AQP7B: variants seen among roughly 807,000 people sequenced by gnomAD.
AQP7B encodes aquaporin 7B.
chr2:94,590,310 C>A, the AQP7B span, among the ~76,000 whole-genome samples: 1 of 152,152 alleles, frequency 6.6e-6, no homozygotes, highest in Admixed American at 6.5e-5. Context: ...AGCCCCCACC[C>A]CAGCTGGGAT....
the AQP7B span, among the ~76,000 whole-genome samples, chr2:94,597,594 A>C: frequency 1.3e-5 from 2 of 151,870 alleles, no homozygotes; most frequent in Non-Finnish European, 2.9e-5. Context: ...AGTGCAGTCT[A>C]ATATCACAGT....
the AQP7B span, among the ~76,000 whole-genome samples, chr2:94,592,557 C>A: frequency 6.6e-6 from 1 of 151,970 alleles, no homozygotes. Flanking sequence ...GAGACCCTAC[C>A]AATGCAAGCA....
chr2:94,602,501 C>T, the AQP7B span: 3 of 1,605,164 alleles, frequency 1.9e-6, no homozygotes, highest in African/African-American at 1.3e-5. Flanking sequence ...GGTATTCGGC[C>T]TTGGTTCTGT....
At chr2:94,602,577 G>C in the AQP7B span, 1 of 1,599,696 alleles carries the variant, frequency 6.3e-7, no homozygotes, top group Non-Finnish European at 8.5e-7. Context: ...TTTGGCTTCG[G>C]GGTCACCATG....
chr2:94,603,756 G>A, the AQP7B span: 21 of 1,521,854 alleles, frequency 1.4e-5, no homozygotes, highest in Middle Eastern at 2.4e-4. Flanking sequence ...TCACCATCAC[G>A]GACCAGGAGA....
the AQP7B span, among the ~76,000 whole-genome samples, chr2:94,595,776 G>A: frequency 0.015 from 2,227 of 152,246 alleles, 30 homozygotes; most frequent in Non-Finnish European, 0.022. Context: ...GCAAAGCGCC[G>A]ATGAGCTGTT....
At chr2:94,602,518 T>C in the AQP7B span, 2 of 1,605,254 alleles carry the variant, frequency 1.2e-6, no homozygotes, top group Non-Finnish European at 1.7e-6. Context: ...CTGTGGCCCA[T>C]ATGGTTCTAA....
the AQP7B span, among the ~76,000 whole-genome samples, chr2:94,600,296 G>T: frequency 5.9e-5 from 9 of 152,046 alleles, no homozygotes; most frequent in African/African-American, 2.2e-4. Flanking sequence ...TTCTCCAGGG[G>T]AAATACAATG....
At chr2:94,603,787 A>G in the AQP7B span, 3 of 1,535,132 alleles carry the variant, frequency 2.0e-6, no homozygotes, top group East Asian at 2.3e-5. Context: ...ACTGCCAGGA[A>G]CACACGCGCT....
At chr2:94,589,977 C>A in the AQP7B span, among the ~76,000 whole-genome samples, 1 of 152,164 alleles carries the variant, frequency 6.6e-6, no homozygotes, top group Non-Finnish European at 1.5e-5. Context: ...CCCCCATGGC[C>A]ATGTCAGGCC....
chr2:94,600,051 G>A, the AQP7B span, among the ~76,000 whole-genome samples: 1 of 151,762 alleles, frequency 6.6e-6, no homozygotes, highest in Admixed American at 6.6e-5. Flanking sequence ...GCTAATTTTT[G>A]TATTATTAGT....
At chr2:94,603,361 A>T in the AQP7B span, 1 of 1,591,970 alleles carries the variant, frequency 6.3e-7, no homozygotes. Flanking sequence ...GCAGGTTCGC[A>T]TGATAGTCTG....
At chr2:94,604,627 C>G in the AQP7B span, 2 of 1,475,656 alleles carry the variant, frequency 1.4e-6, no homozygotes, top group Non-Finnish European at 1.8e-6. Context: ...GCTTGTCCCA[C>G]AGCAGTACCC....
chr2:94,589,838 GCT>G, the AQP7B span, among the ~76,000 whole-genome samples: 1 of 151,954 alleles, frequency 6.6e-6, no homozygotes, highest in African/African-American at 2.4e-5. Context: ...CTCTTCAGTT[GCT>G]CAAGCCAGAA....
the AQP7B span, chr2:94,604,495 C>T: frequency 6.2e-7 from 1 of 1,610,736 alleles, no homozygotes; most frequent in African/African-American, 1.3e-5. Flanking sequence ...TCACCCTCAT[C>T]TCCGTGAGCC....
chr2:94,599,951 T>G, the AQP7B span, among the ~76,000 whole-genome samples: 2 of 151,906 alleles, frequency 1.3e-5, no homozygotes, highest in Admixed American at 1.3e-4. Flanking sequence ...TGATCTCGGA[T>G]CACTGCAAGC....
At chr2:94,594,935 C>A in the AQP7B span, 858 of 947,388 alleles carry the variant, frequency 9.1e-4, 8 homozygotes, top group African/African-American at 0.011. Context: ...GACCCCCTCC[C>A]CATGCTGACC....
chr2:94,596,986 C>T, the AQP7B span, among the ~76,000 whole-genome samples: 18 of 152,308 alleles, frequency 1.2e-4, no homozygotes, highest in South Asian at 3.5e-3. Flanking sequence ...TGGCGTGAGT[C>T]ACCTCGCCTG....
At chr2:94,596,924 T>A in the AQP7B span, among the ~76,000 whole-genome samples, 4 of 152,280 alleles carry the variant, frequency 2.6e-5, no homozygotes, top group South Asian at 6.2e-4. Flanking sequence ...GGTCTCGAAC[T>A]CCCGAATTCA....
Sources: allele counts gnomAD v4.1 joint callset (sites outside exome capture counted in the v4.1 genomes callset), GRCh38; gene constraint gnomAD v4.1.1; transcripts MANE v1.5; gene names NCBI Gene and HGNC (gene_info 2026-07-23, HGNC 2026-07-21).